The following PLCH1 variants were observed in gnomAD, a reference collection of about 807,000 sequenced individuals.
The protein encoded by PLCH1 is 1-phosphatidylinositol 4,5-bisphosphate phosphodiesterase eta-1.
A neutral mutation model predicts 126.7 loss-of-function variants in PLCH1; 60 were observed. The ratio of observed to expected loss-of-function variants is 0.47; its 90% CI spans 0.38 to 0.59. PLCH1 has a LOEUF of 0.59. Ranked by LOEUF, PLCH1 falls within the 20% of genes least tolerant of loss-of-function variation. The probability of loss-of-function intolerance (pLI) is 0.00; values close to 1 mark genes in which losing one functional copy is unlikely to be tolerated. For synonymous variants in PLCH1, 719 were observed against 734.9 expected, an observed-to-expected ratio of 0.98 and a Z score of 0.35; for missense variants, 1,723 against 2,040.0, an observed-to-expected ratio of 0.84 and a Z score of 2.99.
chr3:155,515,924 C>T (rs1305006948), intron 11 of PLCH1, among the ~76,000 whole-genome samples: 4 of 152,202 alleles, frequency 2.6e-5, no homozygotes, highest in Admixed American at 1.3e-4. Flanking sequence ...GTGGACTCTG[C>T]ATAATGGGTA....
chr3:155,592,010 C>T (rs1732244804), intron 4 of PLCH1, among the ~76,000 whole-genome samples: 1 of 151,786 alleles, frequency 6.6e-6, no homozygotes, highest in East Asian at 1.9e-4. Flanking sequence ...CAGCCTAAGT[C>T]TTCAGTTTTT....
chr3:155,497,550 AT>A (rs1314597190), intron 14 of PLCH1, 133 bp from the exon 15 acceptor site: 1 of 648,296 alleles, frequency 1.5e-6, no homozygotes, highest in Non-Finnish European at 2.7e-6. Flanking sequence ...GGGAGCCAGG[AT>A]TGGCACCCAA....
chr3:155,580,588 A>G (rs1020132774), intron 6 of PLCH1, among the ~76,000 whole-genome samples: 5 of 152,096 alleles, frequency 3.3e-5, no homozygotes, highest in African/African-American at 1.2e-4. Flanking sequence ...AAAAGAATTG[A>G]CTCTCAAATG....
chr3:155,727,490 C>T (rs927421350), intron 1 of PLCH1, among the ~76,000 whole-genome samples: 5 of 151,250 alleles, frequency 3.3e-5, no homozygotes, highest in Admixed American at 2.0e-4. Context: ...TGGGCTCAAG[C>T]GATTCTCCTG....
At chr3:155,545,308 G>C (rs1313639138) in intron 10 of PLCH1, among the ~76,000 whole-genome samples, 1 of 151,648 alleles carries the variant, frequency 6.6e-6, no homozygotes, top group Non-Finnish European at 1.5e-5. Flanking sequence ...TAAATTCCTC[G>C]ACACATACAC....
chr3:155,591,733 G>GT lies in PLCH1; in HGVS notation c.470+2207dup, dbSNP rs550206917. The stretch of plus-strand genomic sequence containing the variant: ...ACAAAAGCTCTTTAGAATCTTCAGG[G>GT]TTTTTTTGTTAGTTTTTTGTTTTTG... On this transcript the variant is annotated intron_variant, in intron 4 of 22. Transcript: ENST00000460012. Among the ~76,000 whole-genome samples the GT allele has an allele frequency of 4.4e-3, 669 of 152,090 alleles. 1 individual carries two copies. The highest frequency in any genetic ancestry group is 0.024 in the Middle Eastern group (7 of 294).
chr3:155,692,387 G>A (rs1459579311), intron 2 of PLCH1, among the ~76,000 whole-genome samples: 4 of 152,110 alleles, frequency 2.6e-5, no homozygotes, highest in Non-Finnish European at 5.9e-5. Flanking sequence ...TCAATGCAGT[G>A]ATTTTTATCC....
downstream of PLCH1, among the ~76,000 whole-genome samples, chr3:155,476,142 G>T (rs1045358398): frequency 3.9e-5 from 6 of 152,032 alleles, no homozygotes; most frequent in Middle Eastern, 3.4e-3. Flanking sequence ...ACCCATGGAT[G>T]GTCCAACATA....
In PLCH1 at chr3:155,456,410, C is replaced by T. The variant is rs144849080; in HGVS notation, c.2938+28946G>A. Reference sequence around the variant, plus strand: ...GTGTTGGGCCACATTCAAAGCCATCCTGGGCTGCCTTTAGCCCACAGGCCA... The same window carrying T: ...GTGTTGGGCCACATTCAAAGCCATCTTGGGCTGCCTTTAGCCCACAGGCCA... On this transcript the variant is annotated intron_variant, in intron 21 of 21. Transcript: ENST00000494598. Among the ~76,000 whole-genome samples the T allele has an allele frequency of 8.1e-3, 1,225 of 152,158 alleles. 13 individuals are homozygous for T. The highest frequency in any genetic ancestry group is 0.046 in the South Asian group (224 of 4,818).
chr3:155,715,491 G>A (rs1747434376), intron 1 of PLCH1, among the ~76,000 whole-genome samples: 1 of 151,866 alleles, frequency 6.6e-6, no homozygotes, highest in African/African-American at 2.4e-5. Context: ...TTTTTGTAGA[G>A]ACAGGATTTC....
chr3:155,626,478 G>T (rs755965115), intron 2 of PLCH1, among the ~76,000 whole-genome samples: 2 of 152,098 alleles, frequency 1.3e-5, no homozygotes, highest in Non-Finnish European at 2.9e-5. Context: ...AACGGAAAAA[G>T]ATGGTAAGTG....
intron 21 of PLCH1, among the ~76,000 whole-genome samples, chr3:155,468,255 T>C (rs1438294748): frequency 1.3e-5 from 2 of 151,786 alleles, no homozygotes; most frequent in Admixed American, 6.6e-5. Context: ...ATACGAAGAA[T>C]ACACAAAAAA....
chr3:155,489,440 T>C lies in PLCH1; in HGVS notation c.2393-634A>G, dbSNP rs563023775. Reference sequence around the variant, plus strand: ...TCAAAAACTGTACAAGTAACACTCATCTTTTAAAGTAGGGAATATCAGTAT... The same window carrying C: ...TCAAAAACTGTACAAGTAACACTCACCTTTTAAAGTAGGGAATATCAGTAT... On this transcript the variant is annotated intron_variant, in intron 19 of 22. Transcript: ENST00000460012. Among the ~76,000 whole-genome samples, 4 of 152,316 alleles carry C rather than the reference T, an allele frequency of 2.6e-5. No homozygotes were observed. In the East Asian group the frequency reaches 7.7e-4, roughly 29 times the overall value.
chr3:155,654,331 ATCC>A, intron 2 of PLCH1, among the ~76,000 whole-genome samples: 1 of 151,958 alleles, frequency 6.6e-6, no homozygotes, highest in African/African-American at 2.4e-5. Flanking sequence ...CTCTTTAGTG[ATCC>A]TAGCAAGTAC....
intron 1 of PLCH1, among the ~76,000 whole-genome samples, chr3:155,744,316 T>A (rs1055185284): frequency 6.6e-6 from 1 of 152,096 alleles, no homozygotes; most frequent in Admixed American, 6.5e-5. Flanking sequence ...ATGGAGTATA[T>A]CCTCCTCGCG....
chr3:155,506,110 T>A (rs1299409483), intron 12 of PLCH1, among the ~76,000 whole-genome samples: 1 of 152,168 alleles, frequency 6.6e-6, no homozygotes, highest in Non-Finnish European at 1.5e-5. Context: ...TATTATACCC[T>A]AAGGATAATG....
Position 155,644,837 on chromosome 3 carries a change from T to A in PLCH1, c.80-48459A>T, listed in dbSNP as rs570403992. Reference sequence around the variant, plus strand: ...TGTTGATAAGAACAGGCTCCTTTTTTAGAAATCAAATCTGAGCCACTGTGG... The same window carrying A: ...TGTTGATAAGAACAGGCTCCTTTTTAAGAAATCAAATCTGAGCCACTGTGG... On this transcript the variant is annotated intron_variant, in intron 2 of 22. Coordinates refer to ENST00000460012, the MANE Select transcript of PLCH1 (RefSeq NM_014996.4). 3.9e-5 allele frequency among the ~76,000 whole-genome samples: 6 copies of A among 152,292 alleles called. No homozygotes were observed. The South Asian group carries it at 1.2e-3, about 32-fold the overall frequency.
intron 2 of PLCH1, among the ~76,000 whole-genome samples, chr3:155,621,421 G>A (rs1736478656): frequency 6.6e-6 from 1 of 152,158 alleles, no homozygotes; most frequent in Non-Finnish European, 1.5e-5. Flanking sequence ...TTGACGAATT[G>A]ACAGAAGTAG....
intron 13 of PLCH1, 53 bp downstream of exon 13, chr3:155,504,502 C>T (rs1348398992): frequency 6.1e-6 from 6 of 990,004 alleles, no homozygotes; most frequent in Non-Finnish European, 8.1e-6. Flanking sequence ...CTGTTATCTT[C>T]CAGAATCTTT....
Sources: gnomAD v4.1 joint callset for allele counts (sites outside exome capture counted in the v4.1 genomes callset) on GRCh38, gnomAD v4.1.1 for gene constraint, MANE v1.5 for transcripts, NCBI Gene and HGNC (gene_info 2026-07-23, HGNC 2026-07-21) for gene names.